Variants in LMF1 observed in about 807,000 individuals in gnomAD.
The protein encoded by LMF1 is transmembrane protein 112.
Under a neutral mutation model 60.6 loss-of-function variants are expected in LMF1, and 68 were observed. That is an observed-to-expected ratio of 1.12 (90% CI 0.92 to 1.37). The LOEUF (loss-of-function observed/expected upper bound fraction) is 1.37, where lower values mean the gene tolerates loss of function less well. LMF1 is among the 40% of genes most tolerant of loss of function. The probability of loss-of-function intolerance (pLI) is 0.00; values close to 1 mark genes in which losing one functional copy is unlikely to be tolerated. For missense variants in LMF1, 948 were observed against 767.2 expected, an observed-to-expected ratio of 1.24 and a Z score of -2.78; for synonymous variants, 418 against 324.7, an observed-to-expected ratio of 1.29 and a Z score of -3.09.
At position 869,893 on chromosome 16, in the gene LMF1, G is replaced by A. The variant is rs574656841; in HGVS notation, c.1406C>T (p.Ala469Val). 36 of 1,611,906 alleles carry A rather than the reference G, an allele frequency of 2.2e-5. No individual in the cohort carries two copies. The East Asian group carries it at 4.5e-4, about 20-fold the overall frequency. Residue 469 changes from alanine (A) to valine (V), a missense_variant, in exon 9 of 11, where the codon GCG (alanine) becomes GTG (valine). By Grantham distance (64) the Ala-to-Val change is moderately conservative (BLOSUM62 0). Transcript: ENST00000262301. ...HYRLDWLMWF[A>V]AFQTYEHNDW... ...GGGACCGTCCCCCACCTGGAAGGCC[G>A]CGAACCACATCAGCCAGTCCAGGCG...
upstream of LMF1, chr16:971,140 G>C: frequency 8.8e-6 from 6 of 683,138 alleles, no homozygotes; most frequent in Non-Finnish European, 1.3e-5. Flanking sequence ...GCCCCCTCCA[G>C]CCGGCCCCGC....
At chr16:914,960 T>A (rs1343938363) in intron 3 of LMF1, among the ~76,000 whole-genome samples, 2 of 152,240 alleles carry the variant, frequency 1.3e-5, no homozygotes, top group Non-Finnish European at 2.9e-5. Flanking sequence ...GCCACACAGC[T>A]CTCAGCCCTA....
intron 3 of LMF1, among the ~76,000 whole-genome samples, chr16:913,137 G>A (rs564021224): frequency 3.1e-4 from 47 of 152,364 alleles, no homozygotes; most frequent in African/African-American, 1.1e-3. Context: ...TGCACGCCCT[G>A]CTCTTCCCCA....
chr16:862,312 T>C (rs992579490), intron 10 of LMF1, among the ~76,000 whole-genome samples: 1 of 151,946 alleles, frequency 6.6e-6, no homozygotes, highest in African/African-American at 2.4e-5. Flanking sequence ...CCCAGCTAAT[T>C]TTTGTATTTT....
chr16:947,200 C>T (rs1156397402), intron 2 of LMF1, among the ~76,000 whole-genome samples: 4 of 152,258 alleles, frequency 2.6e-5, no homozygotes, highest in Admixed American at 1.3e-4. Context: ...CCTCCCACCA[C>T]GGGGTCCCTG....
chr16:931,846 A>T, intron 3 of LMF1: 1 of 1,268,354 alleles, frequency 7.9e-7, no homozygotes, highest in African/African-American at 1.5e-5. Context: ...TCTCAGGCGG[A>T]AAACATTAAC....
chr16:976,602 T>C, intron 1 of LMF1: 1 of 454,104 alleles, frequency 2.2e-6, no homozygotes, highest in South Asian at 1.6e-5. Context: ...CTGCCCATTA[T>C]CAGACGAGAA....
intron 1 of LMF1, chr16:980,898 CCCCGCCCCCGAG>C (rs1260638693): frequency 5.3e-5 from 8 of 152,024 alleles, no homozygotes; most frequent in Non-Finnish European, 2.9e-5. Flanking sequence ...GGAGGGGCCT[CCCCGCCCCCGAG>C]CCCTAGGTCA....
chr16:931,547 A>G (rs2071785027), intron 3 of LMF1: 2 of 1,087,680 alleles, frequency 1.8e-6, no homozygotes, highest in Non-Finnish European at 2.4e-6. Flanking sequence ...ACGAGGCCAC[A>G]GGAAAGGAGC....
chr16:885,069 CTGTT>C (rs985589670), intron 5 of LMF1: 3 of 152,250 alleles, frequency 2.0e-5, no homozygotes, highest in East Asian at 1.9e-4. Context: ...TTTAATCAAA[CTGTT>C]TGGCAATAAT....
intron 2 of LMF1, among the ~76,000 whole-genome samples, chr16:945,211 C>CAAAAAAAAAA (rs60283096): frequency 0.25 from 19,084 of 76,710 alleles, 2,261 homozygotes; most frequent in South Asian, 0.36. Flanking sequence ...GACTCCATCT[C>CAAAAAAAAAA]AAAAAAAAAA....
chr16:889,649 G>A (rs756879938), intron 5 of LMF1, among the ~76,000 whole-genome samples: 27 of 152,274 alleles, frequency 1.8e-4, no homozygotes, highest in Admixed American at 2.6e-4. Flanking sequence ...AGCAAGAATC[G>A]GAAAGACAGC....
At chr16:892,680 G>GC (rs1787711888) in intron 5 of LMF1, among the ~76,000 whole-genome samples, 1 of 152,254 alleles carries the variant, frequency 6.6e-6, no homozygotes, top group Non-Finnish European at 1.5e-5. Flanking sequence ...TCAGGGGACG[G>GC]TGGGGAGCTG....
intron 3 of LMF1, among the ~76,000 whole-genome samples, chr16:923,226 A>C (rs1314104512): frequency 6.6e-6 from 1 of 152,188 alleles, no homozygotes; most frequent in Non-Finnish European, 1.5e-5. Flanking sequence ...GCGTCATGGC[A>C]AAACAGCAGG....
At chr16:950,836 CAAT>C (rs2072438326) in intron 2 of LMF1, among the ~76,000 whole-genome samples, 1 of 134,882 alleles carries the variant, frequency 7.4e-6, no homozygotes. Flanking sequence ...CAGAGTCAGC[CAAT>C]GACAGAGTCA....
intron 4 of LMF1, among the ~76,000 whole-genome samples, chr16:906,642 TGTTA>T (rs921624611): frequency 8.5e-5 from 13 of 152,308 alleles, no homozygotes; most frequent in East Asian, 3.9e-4. Flanking sequence ...ATATTTCTCC[TGTTA>T]GTTCTGTCCC....
intron 1 of LMF1, among the ~76,000 whole-genome samples, chr16:969,657 G>T (rs962180769): frequency 2.0e-5 from 3 of 152,232 alleles, no homozygotes; most frequent in African/African-American, 7.2e-5. Context: ...TACAACCAAC[G>T]CGTGGGCAAC....
chr16:889,032 C>T (rs1350089646), intron 5 of LMF1, among the ~76,000 whole-genome samples: 1 of 152,230 alleles, frequency 6.6e-6, no homozygotes, highest in Non-Finnish European at 1.5e-5. Flanking sequence ...GTCCATGCAT[C>T]CCCGGTGTCT....
chr16:925,308 G>A (rs1302013331), intron 3 of LMF1, among the ~76,000 whole-genome samples: 1 of 152,252 alleles, frequency 6.6e-6, no homozygotes, highest in Non-Finnish European at 1.5e-5. Context: ...CACTTCTTCA[G>A]TAGTTTAGAA....
Sources: gnomAD v4.1 joint callset for allele counts (sites outside exome capture counted in the v4.1 genomes callset) on GRCh38, gnomAD v4.1.1 for gene constraint, MANE v1.5 for transcripts, NCBI Gene and HGNC (gene_info 2026-07-23, HGNC 2026-07-21) for gene names.